RPS6KA2: variants seen among roughly 807,000 people sequenced by gnomAD.
RPS6KA2 encodes ribosomal protein S6 kinase alpha-2.
RPS6KA2 carries 42 observed loss-of-function variants against 91.8 expected under a neutral mutation model. That is an observed-to-expected ratio of 0.46 (90% confidence interval 0.36 to 0.59). The LOEUF (loss-of-function observed/expected upper bound fraction) is 0.59, where lower values mean the gene tolerates loss of function less well. RPS6KA2 is among the 20% of genes least tolerant of loss of function. The pLI is 0.00. For synonymous variants in RPS6KA2, 414 were observed against 393.6 expected (o/e 1.05, Z -0.61); for missense variants, 798 against 978.5 (o/e 0.82, Z 2.46).
chr6:166,751,585 C>T (rs1285001842), intron 2 of RPS6KA2, among the ~76,000 whole-genome samples: 2 of 152,256 alleles, frequency 1.3e-5, no homozygotes, highest in African/African-American at 4.8e-5. Context: ...TCTGGAACGG[C>T]TGGGCCGCCA....
intron 2 of RPS6KA2, chr6:166,857,980 C>G: frequency 1.9e-6 from 1 of 539,708 alleles, no homozygotes; most frequent in South Asian, 2.6e-5. Flanking sequence ...CCGTCCTATG[C>G]TCCAGCTATT....
intron 2 of RPS6KA2, among the ~76,000 whole-genome samples, chr6:166,682,614 G>C (rs941684664): frequency 6.6e-6 from 1 of 152,238 alleles, no homozygotes; most frequent in Admixed American, 6.5e-5. Context: ...TGTCGAATAA[G>C]TGGAATCCCA....
At chr6:166,425,385 G>A (rs552242703) in intron 16 of RPS6KA2, among the ~76,000 whole-genome samples, 6 of 151,264 alleles carry the variant, frequency 4.0e-5, no homozygotes, top group South Asian at 4.2e-4. Flanking sequence ...GGAAGAAACC[G>A]CATCAACTAA....
At chr6:166,860,000 A>T (rs1419093016) in intron 1 of RPS6KA2, among the ~76,000 whole-genome samples, 6 of 152,244 alleles carry the variant, frequency 3.9e-5, no homozygotes, top group Admixed American at 1.3e-4. Context: ...CAGAGGCCAG[A>T]TATGCTCCAT....
intron 1 of RPS6KA2, among the ~76,000 whole-genome samples, chr6:166,546,689 T>C (rs904501569): frequency 3.3e-5 from 5 of 152,146 alleles, no homozygotes; most frequent in African/African-American, 7.2e-5. Flanking sequence ...AAAGGGAAAA[T>C]AGAAATTCTA....
Position 166,508,561 on chromosome 6 carries a change from A to G in RPS6KA2, c.380-279T>C, listed in dbSNP as rs1782349217. Among the ~76,000 whole-genome samples the G allele has an allele frequency of 6.6e-6, 1 of 152,148 alleles. No individual in the cohort carries two copies. Among genetic ancestry groups the G allele is most frequent in the African/African-American group, 2.4e-5 (1 of 41,432 alleles). On this transcript the variant is annotated intron_variant, in intron 4 of 20. Transcript: ENST00000265678. The surrounding 1 kb of genome is among the most constrained non-coding windows in gnomAD (Gnocchi z 4.3). ...CCCTCCCTTTTTTAATCACAAAGGAATTGAAAGATACACGGGGAGAAAGAT... is the reference window on the plus strand; with the variant it reads ...CCCTCCCTTTTTTAATCACAAAGGAGTTGAAAGATACACGGGGAGAAAGAT...
chr6:166,699,528 T>G (rs1250245242), intron 2 of RPS6KA2, among the ~76,000 whole-genome samples: 4 of 152,240 alleles, frequency 2.6e-5, no homozygotes, highest in Non-Finnish European at 5.9e-5. Flanking sequence ...CAGAGTGATC[T>G]TTTTAAAGGG....
intron 2 of RPS6KA2, among the ~76,000 whole-genome samples, chr6:166,791,209 G>A (rs559859662): frequency 7.2e-5 from 11 of 152,208 alleles, no homozygotes; most frequent in Middle Eastern, 6.8e-3. Flanking sequence ...AGCAAGGGTC[G>A]CAATCCTAGT....
At chr6:166,555,366 T>G (rs572710980) in intron 1 of RPS6KA2, among the ~76,000 whole-genome samples, 1 of 152,202 alleles carries the variant, frequency 6.6e-6, no homozygotes, top group Non-Finnish European at 1.5e-5. Flanking sequence ...AGCTTTTGTT[T>G]AAGGATCACT....
At chr6:166,546,757 CT>C (rs1783841352) in intron 1 of RPS6KA2, among the ~76,000 whole-genome samples, 1 of 152,214 alleles carries the variant, frequency 6.6e-6, no homozygotes, top group Non-Finnish European at 1.5e-5. Flanking sequence ...TCTCCTCATT[CT>C]TTTTCAAAAG....
intron 3 of RPS6KA2, among the ~76,000 whole-genome samples, chr6:166,511,027 G>A (rs962149787): frequency 4.7e-4 from 71 of 152,258 alleles, no homozygotes; most frequent in African/African-American, 1.7e-3. Context: ...AACTGGAGGC[G>A]TGATAAGATT....
chr6:166,587,231 A>G (rs1328275286), intron 1 of RPS6KA2, among the ~76,000 whole-genome samples: 1 of 152,248 alleles, frequency 6.6e-6, no homozygotes, highest in Non-Finnish European at 1.5e-5. Context: ...ACCCTGGGTC[A>G]GAGCCCTACA....
At chr6:166,781,458 C>T (rs142543814) in intron 2 of RPS6KA2, among the ~76,000 whole-genome samples, 1,854 of 152,306 alleles carry the variant, frequency 0.012, 18 homozygotes, top group Non-Finnish European at 0.019. Flanking sequence ...GGCAGGACTT[C>T]GCTCTCTTTG....
intron 5 of RPS6KA2, among the ~76,000 whole-genome samples, chr6:166,506,836 C>T (rs909635996): frequency 1.3e-5 from 2 of 152,138 alleles, no homozygotes; most frequent in Non-Finnish European, 2.9e-5. Flanking sequence ...GAAAGCACCT[C>T]GGCCACTCCT....
chr6:166,413,664 G>A (rs1265566129), intron 20 of RPS6KA2, 130 bp downstream of exon 20: 2 of 878,990 alleles, frequency 2.3e-6, no homozygotes, highest in Non-Finnish European at 3.4e-6. Context: ...GTGGGCCGGC[G>A]GTGCAGTTTG....
At chr6:166,757,523 T>C in intron 2 of RPS6KA2, 1 of 456,244 alleles carries the variant, frequency 2.2e-6, no homozygotes, top group Non-Finnish European at 4.4e-6. Context: ...GAGCCCTCCC[T>C]TACCTTTCTG....
intron 2 of RPS6KA2, among the ~76,000 whole-genome samples, chr6:166,741,849 G>A (rs1000654680): frequency 2.6e-5 from 4 of 152,196 alleles, no homozygotes; most frequent in Admixed American, 6.5e-5. Flanking sequence ...AGGCCAGGCC[G>A]GGCGCAGTGG....
Position 166,438,779 on chromosome 6 carries a change from C to T in RPS6KA2, c.1333-6289G>A, listed in dbSNP as rs559263056. Among the ~76,000 whole-genome samples, 29 of 152,324 alleles carry T rather than the reference C, an allele frequency of 1.9e-4. No homozygotes were observed. In the South Asian group the frequency reaches 2.7e-3, roughly 14 times the overall value. On this transcript the variant is annotated intron_variant, in intron 14 of 20. Transcript: ENST00000265678. ...GTAAAGCTCATTTAATTTCAGATTC[C>T]GGAGATGCACTCCACTTTTTGGTAT...
intron 2 of RPS6KA2, among the ~76,000 whole-genome samples, chr6:166,693,439 T>C (rs1174065981): frequency 1.3e-5 from 2 of 152,136 alleles, no homozygotes; most frequent in African/African-American, 4.8e-5. Context: ...ACTAAAGAAA[T>C]GGAAAAAAGG....
Sources: allele counts gnomAD v4.1 joint callset (sites outside exome capture counted in the v4.1 genomes callset), GRCh38; gene constraint gnomAD v4.1.1; non-coding constraint Gnocchi (gnomAD v3.1); transcripts MANE v1.5; gene names NCBI Gene and HGNC (gene_info 2026-07-23, HGNC 2026-07-21).